WDFY2: variants seen among roughly 807,000 people sequenced by gnomAD.
WDFY2 encodes the protein WD repeat and FYVE domain containing 2.
Under a neutral mutation model 56.4 loss-of-function variants are expected in WDFY2, and 36 were observed. The ratio of observed to expected loss-of-function variants is 0.64; its 90% CI spans 0.49 to 0.84. The LOEUF (loss-of-function observed/expected upper bound fraction) is 0.84, where lower values mean the gene tolerates loss of function less well. WDFY2 is among the 40% of genes least tolerant of loss of function. WDFY2 has a pLI of 0.00. For synonymous variants in WDFY2, 176 were observed against 183.7 expected (o/e 0.96, Z 0.34); for missense variants, 444 against 512.2 (o/e 0.87, Z 1.29).
chr13:51,668,233 G>T (rs1316408380), intron 2 of WDFY2, among the ~76,000 whole-genome samples: 1 of 152,036 alleles, frequency 6.6e-6, no homozygotes, highest in Non-Finnish European at 1.5e-5. Flanking sequence ...AACTAAACAT[G>T]CTAGAAATCA....
chr13:51,739,179 A>T lies in WDFY2; in HGVS notation c.725+4A>T. On this transcript the variant is annotated splice_donor_region_variant and intron_variant, in intron 7 of 11. Coordinates refer to ENST00000298125, the MANE Select transcript of WDFY2 (RefSeq NM_052950.4). ...CCATCGAGCTCCAAGGACACAAGTA[A>T]GGTTGCTGGTGCTTTCATAAAGACT... 1 of 1,582,772 alleles carries T rather than the reference A, an allele frequency of 6.3e-7. No homozygotes were observed.
intron 1 of WDFY2, among the ~76,000 whole-genome samples, chr13:51,624,555 A>T (rs532201370): frequency 5.3e-5 from 8 of 152,318 alleles, no homozygotes; most frequent in Admixed American, 5.2e-4. Flanking sequence ...GATCCCTGCC[A>T]CCATGGAGCT....
intron 6 of WDFY2, among the ~76,000 whole-genome samples, chr13:51,737,362 C>T (rs1318186042): frequency 6.6e-6 from 1 of 151,916 alleles, no homozygotes; most frequent in Non-Finnish European, 1.5e-5. Flanking sequence ...CTGCCAAGAA[C>T]AAAGCCAAGG....
At chr13:51,653,332 T>A (rs1468318611) in intron 1 of WDFY2, among the ~76,000 whole-genome samples, 1 of 152,230 alleles carries the variant, frequency 6.6e-6, no homozygotes, top group Non-Finnish European at 1.5e-5. Context: ...GTTTTTAACT[T>A]CTTTGCCATG....
chr13:51,639,622 T>C (rs1443578815), intron 1 of WDFY2, among the ~76,000 whole-genome samples: 3 of 152,202 alleles, frequency 2.0e-5, no homozygotes, highest in African/African-American at 7.2e-5. Context: ...GGCTGGATTA[T>C]GAGGGCTTTT....
At chr13:51,683,339 CT>C (rs1350941370) in intron 3 of WDFY2, among the ~76,000 whole-genome samples, 1 of 151,894 alleles carries the variant, frequency 6.6e-6, no homozygotes, top group East Asian at 1.9e-4. Flanking sequence ...TATCAAAATT[CT>C]TTTCTTAACC....
chr13:51,667,853 A>C (rs1955735293), intron 2 of WDFY2, among the ~76,000 whole-genome samples: 1 of 149,674 alleles, frequency 6.7e-6, no homozygotes, highest in Non-Finnish European at 1.5e-5. Flanking sequence ...GTATTTACTA[A>C]GAAGAAAAAG....
chr13:51,717,808 A>T (rs192414265), intron 4 of WDFY2, among the ~76,000 whole-genome samples: 161 of 152,284 alleles, frequency 1.1e-3, no homozygotes, highest in African/African-American at 3.6e-3. Flanking sequence ...TCACAGTGTC[A>T]CTGCTTCCCT....
chr13:51,751,232 T>G (rs1953228008), intron 7 of WDFY2, 78 bp from the exon 8 acceptor site: 5 of 1,435,518 alleles, frequency 3.5e-6, no homozygotes, highest in Non-Finnish European at 4.8e-6. Flanking sequence ...GCACATTGGC[T>G]GACTTTGCCA....
rs551948868 is a variant in WDFY2 at position 51,599,683 on chromosome 13, CTT to C, written c.137+14862_137+14863del. 7.2e-5 allele frequency among the ~76,000 whole-genome samples: 11 copies of C among 152,276 alleles called. No homozygotes were observed. The South Asian group carries it at 2.3e-3, about 32-fold the overall frequency. Reference sequence around the variant, plus strand: ...TGGACTTTGAGTTGTTCCAGGATCACTTTTGAATAAGGAGCTTACTTTTGTTA... The same window carrying C: ...TGGACTTTGAGTTGTTCCAGGATCACTTGAATAAGGAGCTTACTTTTGTTA... On this transcript the variant is annotated intron_variant, in intron 1 of 11. Coordinates refer to ENST00000298125, the MANE Select transcript of WDFY2 (RefSeq NM_052950.4).
intron 7 of WDFY2, among the ~76,000 whole-genome samples, chr13:51,742,096 G>C (rs1243373831): frequency 6.6e-6 from 1 of 152,176 alleles, no homozygotes; most frequent in Admixed American, 6.5e-5. Flanking sequence ...TAGGGAGACT[G>C]CCTTTCCTTG....
intron 1 of WDFY2, among the ~76,000 whole-genome samples, chr13:51,623,181 T>C (rs1954771897): frequency 6.6e-6 from 1 of 151,834 alleles, no homozygotes; most frequent in Non-Finnish European, 1.5e-5. Flanking sequence ...TTTAAAATGA[T>C]ACAATTTATG....
intron 2 of WDFY2, among the ~76,000 whole-genome samples, chr13:51,671,772 T>G (rs1593968485): frequency 6.7e-6 from 1 of 149,058 alleles, no homozygotes; most frequent in Admixed American, 6.7e-5. Context: ...ATTTGTTGCA[T>G]TTGCTTTTTT....
At position 51,763,316 on chromosome 13, in the gene WDFY2, G is replaced by C. The variant is rs1222313619; in HGVS notation, c.*3547G>C. 1 of 152,102 alleles carries C rather than the reference G, an allele frequency of 6.6e-6. No homozygotes were observed. Among genetic ancestry groups the C allele is most frequent in the Non-Finnish European group, 1.5e-5 (1 of 68,042 alleles). 9.4% of individuals were successfully genotyped at this position (152,102 alleles called of 1,614,324 possible). A position where few individuals can be genotyped will look rare whatever the true frequency, so the allele number is the denominator to read the frequency against. ...TTTTTTTGGCTCCGGCCCTGTGGTG[G>C]GGGAGGTAATTATTGCCTTCATCCA... On this transcript the variant is annotated 3_prime_UTR_variant, in exon 12 of 12. Coordinates refer to ENST00000298125, the MANE Select transcript of WDFY2 (RefSeq NM_052950.4).
At chr13:51,586,447 T>TGAGAAGGGGAAGAGAGTAG (rs1953937541) in intron 1 of WDFY2, 1 of 159,224 alleles carries the variant, frequency 6.3e-6, no homozygotes, top group Non-Finnish European at 1.4e-5. Flanking sequence ...AGTACGGTAG[T>TGAGAAGGGGAAGAGAGTAG]GAGAAGGGGA....
intron 6 of WDFY2, among the ~76,000 whole-genome samples, chr13:51,737,846 G>A (rs943243827): frequency 6.6e-6 from 1 of 152,156 alleles, no homozygotes; most frequent in Non-Finnish European, 1.5e-5. Flanking sequence ...ATATGCACTT[G>A]GGGAAGCCAT....
chr13:51,757,250 G>A (rs909172369), intron 10 of WDFY2, among the ~76,000 whole-genome samples: 4 of 152,084 alleles, frequency 2.6e-5, no homozygotes, highest in African/African-American at 4.8e-5. Context: ...CTCATCATAC[G>A]TGATGAAATT....
At chr13:51,661,864 A>G (rs1306592307) in intron 2 of WDFY2, among the ~76,000 whole-genome samples, 1 of 152,222 alleles carries the variant, frequency 6.6e-6, no homozygotes, top group Non-Finnish European at 1.5e-5. Flanking sequence ...CGTACATTAC[A>G]GGATCAAGCT....
At chr13:51,614,728 C>G (rs377056292) in intron 1 of WDFY2, among the ~76,000 whole-genome samples, 5 of 152,324 alleles carry the variant, frequency 3.3e-5, no homozygotes, top group South Asian at 4.1e-4. Context: ...CATTGCCACC[C>G]GTAGCTGGAG....
Sources: gnomAD v4.1 joint callset for allele counts (sites outside exome capture counted in the v4.1 genomes callset) on GRCh38, gnomAD v4.1.1 for gene constraint, MANE v1.5 for transcripts, NCBI Gene and HGNC (gene_info 2026-07-23, HGNC 2026-07-21) for gene names.